Variants in DIP2C observed in about 807,000 individuals in gnomAD.
The protein encoded by DIP2C is DIP2 acetate--CoA ligase C (putative).
DIP2C carries 33 observed loss-of-function variants against 192.4 expected under a neutral mutation model. The observed-to-expected ratio is 0.17, with a 90% CI of 0.13 to 0.23. The LOEUF (loss-of-function observed/expected upper bound fraction) is 0.23, where lower values mean the gene tolerates loss of function less well. DIP2C is among the 10% of genes least tolerant of loss of function. The pLI is 1.00. For missense variants in DIP2C, 1,537 were observed against 2,110.1 expected (o/e 0.73, Z 5.32); for synonymous variants, 979 against 864.1 (o/e 1.13, Z -2.33).
At chr10:451,941 A>C (rs1968883047) in intron 3 of DIP2C, among the ~76,000 whole-genome samples, 1 of 152,234 alleles carries the variant, frequency 6.6e-6, no homozygotes, top group Non-Finnish European at 1.5e-5. Flanking sequence ...AACTGAGAAA[A>C]CAGTAACAGA....
chr10:598,234 C>CCCA (rs1373315985), intron 1 of DIP2C, among the ~76,000 whole-genome samples: 8 of 152,214 alleles, frequency 5.3e-5, no homozygotes, highest in Non-Finnish European at 1.2e-4. Context: ...GGCCTCCCTC[C>CCCA]CCACCCCAAG....
At chr10:550,567 T>TCCC (rs1249170079) in intron 1 of DIP2C, among the ~76,000 whole-genome samples, 4 of 152,180 alleles carry the variant, frequency 2.6e-5, no homozygotes, top group African/African-American at 9.6e-5. Context: ...ATGTCAGTGC[T>TCCC]ATTACAACAA....
At chr10:393,975 G>C (rs1179233140) in intron 10 of DIP2C, among the ~76,000 whole-genome samples, 1 of 152,192 alleles carries the variant, frequency 6.6e-6, no homozygotes, top group Non-Finnish European at 1.5e-5. Flanking sequence ...ATGCAAATTA[G>C]CACAGCCATT....
intron 1 of DIP2C, among the ~76,000 whole-genome samples, chr10:598,212 A>AGGGCCACG (rs1564248945): frequency 3.3e-5 from 5 of 151,908 alleles, no homozygotes; most frequent in African/African-American, 1.2e-4. Context: ...GGCCACCACC[A>AGGGCCACG]AGGGCCACGA....
chr10:671,468 C>T (rs1167668979), intron 1 of DIP2C, among the ~76,000 whole-genome samples: 1 of 122,914 alleles, frequency 8.1e-6, no homozygotes, highest in Non-Finnish European at 1.7e-5. Flanking sequence ...CACAGGCGCA[C>T]GGACGGAGGA....
chr10:328,015 T>C (rs1957350766), intron 30 of DIP2C, among the ~76,000 whole-genome samples: 1 of 152,298 alleles, frequency 6.6e-6, no homozygotes, highest in Non-Finnish European at 1.5e-5. Context: ...CGTGAATGTC[T>C]GCGTCTTGGA....
intron 1 of DIP2C, among the ~76,000 whole-genome samples, chr10:639,624 G>A (rs1464762932): frequency 2.0e-5 from 3 of 152,230 alleles, no homozygotes; most frequent in Non-Finnish European, 2.9e-5. Context: ...TTAAACGCAT[G>A]GCAAGCTCGC....
intron 1 of DIP2C, among the ~76,000 whole-genome samples, chr10:601,191 T>C (rs1462808400): frequency 6.6e-6 from 1 of 152,198 alleles, no homozygotes; most frequent in African/African-American, 2.4e-5. Context: ...TATAGTACTT[T>C]CATTGCATCA....
chr10:683,053 C>T (rs1039326104), intron 1 of DIP2C, among the ~76,000 whole-genome samples: 2 of 152,192 alleles, frequency 1.3e-5, no homozygotes, highest in African/African-American at 4.8e-5. Context: ...TCGCGCAGCA[C>T]AAAGGGCCGA....
chr10:622,376 A>AAGGGGGAGGGAGGGGGG (rs1564280618), intron 1 of DIP2C, among the ~76,000 whole-genome samples: 1 of 19,906 alleles, frequency 5.0e-5, no homozygotes. Context: ...GGGAGAGAAG[A>AAGGGGGAGGGAGGGGGG]AGGGGGAGGG....
At chr10:533,018 C>T (rs1322117700) in intron 1 of DIP2C, among the ~76,000 whole-genome samples, 1 of 152,110 alleles carries the variant, frequency 6.6e-6, no homozygotes, top group Non-Finnish European at 1.5e-5. Context: ...CTATGCCCAG[C>T]CTGGAATTGA....
intron 28 of DIP2C, 44 bp from the exon 29 acceptor site, chr10:341,373 C>T (rs751902420): frequency 1.2e-6 from 2 of 1,611,132 alleles, no homozygotes; most frequent in South Asian, 1.1e-5. Flanking sequence ...ACCTGACACC[C>T]TCAGACACCC....
At chr10:469,200 C>CT (rs1230883007) in intron 3 of DIP2C, among the ~76,000 whole-genome samples, 1 of 152,150 alleles carries the variant, frequency 6.6e-6, no homozygotes, top group Non-Finnish European at 1.5e-5. Flanking sequence ...TGTGCAGGTG[C>CT]ATAACTAGGA....
At chr10:424,355 GTTTTTTTTTTT>G (rs557255878) in intron 4 of DIP2C, among the ~76,000 whole-genome samples, 3 of 83,120 alleles carry the variant, frequency 3.6e-5, no homozygotes, top group African/African-American at 9.0e-5. Flanking sequence ...ATCACCTTGG[GTTTTTTTTTTT>G]TTTTTTTTTT....
intron 1 of DIP2C, among the ~76,000 whole-genome samples, chr10:498,843 C>T (rs143487183): frequency 9.2e-5 from 14 of 152,288 alleles, no homozygotes; most frequent in African/African-American, 3.4e-4. Flanking sequence ...GGAGGCAATG[C>T]GCATTTGTTG....
At chr10:389,326 G>A (rs1187172715) in intron 13 of DIP2C, among the ~76,000 whole-genome samples, 1 of 152,062 alleles carries the variant, frequency 6.6e-6, no homozygotes, top group Non-Finnish European at 1.5e-5. Flanking sequence ...TGGGGTCCCC[G>A]GGGTCGCACC....
chr10:623,837 C>A (rs1228033358), intron 1 of DIP2C, among the ~76,000 whole-genome samples: 1 of 152,104 alleles, frequency 6.6e-6, no homozygotes, highest in Non-Finnish European at 1.5e-5. Context: ...TGCATCCATG[C>A]CCCTATGAAT....
At chr10:612,510 G>C (rs1853166239) in intron 1 of DIP2C, among the ~76,000 whole-genome samples, 1 of 152,182 alleles carries the variant, frequency 6.6e-6, no homozygotes, top group Admixed American at 6.5e-5. Flanking sequence ...CAAGTGTGGG[G>C]TAAGACCTCA....
chr10:384,218 T>C (rs1000836178), intron 15 of DIP2C, 72 bp from the exon 16 acceptor site: 19 of 1,572,906 alleles, frequency 1.2e-5, no homozygotes, highest in Middle Eastern at 1.7e-4. Context: ...AGAGAGATCA[T>C]TGTGAGTAGT....
Sources: allele counts gnomAD v4.1 joint callset (sites outside exome capture counted in the v4.1 genomes callset), GRCh38; gene constraint gnomAD v4.1.1; transcripts MANE v1.5; gene names NCBI Gene and HGNC (gene_info 2026-07-23, HGNC 2026-07-21).